Variants in ZNF577 observed in about 807,000 individuals in gnomAD.
ZNF577 encodes the protein zinc finger protein 577.
Under a neutral mutation model 13.9 loss-of-function variants are expected in ZNF577, and 14 were observed. That is an observed-to-expected ratio of 1.00 (90% CI 0.66 to 1.57). ZNF577 has a LOEUF of 1.57. Among genes scored for constraint, ZNF577 ranks in the 40% most tolerant of loss-of-function variants. The probability of loss-of-function intolerance (pLI) is 0.00; values close to 1 mark genes in which losing one functional copy is unlikely to be tolerated. For synonymous variants in ZNF577, 203 were observed against 202.9 expected, an observed-to-expected ratio of 1.00 and a Z score of 0.00; for missense variants, 555 against 579.2, an observed-to-expected ratio of 0.96 and a Z score of 0.43.
At chr19:51,820,045 A>G (rs544253272) in intron 9 of ZNF577, among the ~76,000 whole-genome samples, 22 of 152,348 alleles carry the variant, frequency 1.4e-4, no homozygotes, top group African/African-American at 5.0e-4. Flanking sequence ...TAGGAAAGAA[A>G]AGGCTAAAAA....
intron 2 of ZNF577, 26 bp from the exon 3 acceptor site, chr19:51,880,427 T>A (rs774732209): frequency 1.7e-5 from 28 of 1,609,770 alleles, no homozygotes; most frequent in East Asian, 4.5e-5. Flanking sequence ...AGACACAGTT[T>A]AAAGCAGAGA....
chr19:51,821,543 C>T (rs1167624840), intron 9 of ZNF577, among the ~76,000 whole-genome samples: 1 of 152,104 alleles, frequency 6.6e-6, no homozygotes, highest in Non-Finnish European at 1.5e-5. Flanking sequence ...CTACATTAAA[C>T]AATGTCCCAT....
chr19:51,878,304 AG>A, intron 4 of ZNF577, 84 bp downstream of exon 4: 1 of 1,389,954 alleles, frequency 7.2e-7, no homozygotes, highest in Admixed American at 2.2e-5. Context: ...ATAATACTTT[AG>A]TCTAAACCAT....
intron 9 of ZNF577, among the ~76,000 whole-genome samples, chr19:51,833,479 GGA>G (rs1224527988): frequency 6.6e-6 from 1 of 152,220 alleles, no homozygotes; most frequent in South Asian, 2.1e-4. Context: ...TTCTGTTCAT[GGA>G]GAGAGAGAGC....
Position 51,836,229 on chromosome 19 carries a change from A to G in ZNF577, c.*599+3664T>C, listed in dbSNP as rs1446554455. Among the ~76,000 whole-genome samples the G allele has an allele frequency of 3.3e-5, 5 of 152,354 alleles. No individual in the cohort carries two copies. In the East Asian group the frequency reaches 9.6e-4, roughly 29 times the overall value. On this transcript the variant is annotated intron_variant and NMD_transcript_variant, in intron 9 of 10. Coordinates refer to the ZNF577 transcript ENST00000638827. ...CAAGTAATTTAATTTCTACTCTTCA[A>G]AAATCTCTGTATGTAGTATTTCTGG...
chr19:51,858,261 A>T (rs1486256335), intron 5 of ZNF577, among the ~76,000 whole-genome samples: 1 of 152,222 alleles, frequency 6.6e-6, no homozygotes, highest in Admixed American at 6.5e-5. Flanking sequence ...CCTGAGTGCA[A>T]TACCTATATG....
At chr19:51,857,427 A>AG (rs1599857160) in intron 5 of ZNF577, among the ~76,000 whole-genome samples, 1 of 60,838 alleles carries the variant, frequency 1.6e-5, no homozygotes, top group Non-Finnish European at 2.8e-5. Flanking sequence ...AGAAAGAAAG[A>AG]AAAGAAAAAA....
chr19:51,881,478 TTA>T (rs1200081721), intron 1 of ZNF577, among the ~76,000 whole-genome samples: 1 of 152,210 alleles, frequency 6.6e-6, no homozygotes, highest in Non-Finnish European at 1.5e-5. Flanking sequence ...AAGGTACTCA[TTA>T]TTATTTCCAT....
chr19:51,825,203 G>A (rs914581214), intron 9 of ZNF577: 2 of 191,958 alleles, frequency 1.0e-5, no homozygotes, highest in East Asian at 1.6e-4. Context: ...CATTTATTTC[G>A]GCTTGCTGGT....
Position 51,836,564 on chromosome 19 carries a change from CTGT to C in ZNF577, c.*599+3326_*599+3328del, listed in dbSNP as rs1320746835. On this transcript the variant is annotated intron_variant and NMD_transcript_variant, in intron 9 of 10. Transcript: ENST00000638827. ...TTACGTTTTAATGGAATTACCAGTT[CTGT>C]TGTTGTTTCCACACGAACATTTTCA... 6.6e-5 allele frequency among the ~76,000 whole-genome samples: 10 copies of C among 152,252 alleles called. 1 individual carries two copies. The highest frequency in any genetic ancestry group is 1.9e-4 in the African/African-American group (8 of 41,552).
chr19:51,872,299 G>T lies in ZNF577; in HGVS notation c.*233C>A, dbSNP rs950666430. On this transcript the variant is annotated 3_prime_UTR_variant, in exon 6 of 6. Transcript: ENST00000638348. ...ATCACAATCTTTCATAAATATTCCT[G>T]TAAGAATTCTTTTGATACCAATTGA... 2.5e-6 allele frequency: 1 copy of T among 401,920 alleles called. No individual in the cohort carries two copies. Among genetic ancestry groups the T allele is most frequent in the East Asian group, 4.1e-5 (1 of 24,162 alleles). The allele number at this position is 401,920 out of a possible 1,614,324, so 24.9% of individuals were successfully genotyped here. A position where few individuals can be genotyped will look rare whatever the true frequency, so the allele number is the denominator to read the frequency against.
intron 5 of ZNF577, chr19:51,861,672 G>C (rs1048527819): frequency 1.3e-5 from 2 of 152,238 alleles, no homozygotes; most frequent in African/African-American, 4.8e-5. Flanking sequence ...CTGATGATTA[G>C]TAATAGCTGA....
intron 1 of ZNF577, 59 bp from the exon 2 acceptor site, chr19:51,880,936 C>T (rs933997142): frequency 6.5e-6 from 1 of 153,462 alleles, no homozygotes; most frequent in Non-Finnish European, 1.5e-5. Flanking sequence ...TCACAAGTCT[C>T]CAATTGCCAT....
At chr19:51,837,807 G>T (rs1452273887) in intron 9 of ZNF577, among the ~76,000 whole-genome samples, 1 of 152,088 alleles carries the variant, frequency 6.6e-6, no homozygotes, top group Non-Finnish European at 1.5e-5. Flanking sequence ...AATATTTATA[G>T]TCCATTTTCA....
Position 51,877,443 on chromosome 19 carries a change from TTA to T in ZNF577, c.188-68_188-67del. ...GGGGAATGGATGAAGATGGAGAGGG[TTA>T]TGTCTCAGGAACCACAGCATTTGCA... On this transcript the variant is annotated intron_variant, in intron 4 of 5. Coordinates refer to ENST00000638348, the MANE Select transcript of ZNF577 (RefSeq NM_001370449.1). 6 of 1,343,554 alleles carry T rather than the reference TTA, an allele frequency of 4.5e-6. No homozygotes were observed. In the South Asian group the frequency reaches 7.2e-5, roughly 16 times the overall value. The allele number at this position is 1,343,554 out of a possible 1,614,324, so 83.2% of individuals were successfully genotyped here. A position where few individuals can be genotyped will look rare whatever the true frequency, so the allele number is the denominator to read the frequency against.
At chr19:51,882,071 C>T (rs1225115531) in intron 1 of ZNF577, among the ~76,000 whole-genome samples, 2 of 152,142 alleles carry the variant, frequency 1.3e-5, no homozygotes, top group Non-Finnish European at 2.9e-5. Flanking sequence ...TCATCCCAGC[C>T]CCAGCCCTTC....
intron 9 of ZNF577, among the ~76,000 whole-genome samples, chr19:51,823,180 G>A (rs1426774899): frequency 1.3e-5 from 2 of 152,066 alleles, no homozygotes; most frequent in Non-Finnish European, 2.9e-5. Flanking sequence ...TGTAATATAT[G>A]TCTATATATT....
intron 5 of ZNF577, among the ~76,000 whole-genome samples, chr19:51,849,120 T>A (rs1232276316): frequency 6.6e-6 from 1 of 152,206 alleles, no homozygotes; most frequent in Non-Finnish European, 1.5e-5. Context: ...TTGAACTATT[T>A]CCACAGTTTG....
intron 9 of ZNF577, among the ~76,000 whole-genome samples, chr19:51,819,736 CT>C (rs2084173725): frequency 1.3e-5 from 2 of 152,156 alleles, no homozygotes; most frequent in East Asian, 3.9e-4. Flanking sequence ...TAAAGTTTGG[CT>C]AGGAATTCTC....
Sources: gnomAD v4.1 joint callset for allele counts (sites outside exome capture counted in the v4.1 genomes callset) on GRCh38, gnomAD v4.1.1 for gene constraint, MANE v1.5 for transcripts, NCBI Gene and HGNC (gene_info 2026-07-23, HGNC 2026-07-21) for gene names.